Variants in SSMEM1 observed in about 807,000 individuals in gnomAD.
SSMEM1 encodes serine-rich single-pass membrane protein 1.
SSMEM1 carries 12 observed loss-of-function variants against 9.9 expected under a neutral mutation model. That is an observed-to-expected ratio of 1.21 (90% CI 0.78 to 1.96). The LOEUF is 1.96. Among genes scored for constraint, SSMEM1 ranks in the 30% most tolerant of loss-of-function variants. The pLI, the probability that SSMEM1 is intolerant of heterozygous loss-of-function variation, is 0.00. For missense variants in SSMEM1, 259 were observed against 292.2 expected (o/e 0.89, Z 0.83); for synonymous variants, 96 against 98.9 (o/e 0.97, Z 0.17).
Position 130,216,213 on chromosome 7 carries a change from T to G in SSMEM1, c.478T>G (p.Ser160Ala), listed in dbSNP as rs1455293522. The G allele has an allele frequency of 6.2e-7, 1 of 1,614,086 alleles. No homozygotes were observed. Among genetic ancestry groups the G allele is most frequent in the Non-Finnish European group, 8.5e-7 (1 of 1,180,016 alleles). The change falls in exon 3 of 3, where the codon TCC becomes GCC. Residue 160 changes from serine to alanine, a missense_variant. Physicochemically the swap from Ser to Ala is moderately conservative, Grantham distance 99 (BLOSUM62 1). Coordinates refer to ENST00000297819, the MANE Select transcript of SSMEM1 (RefSeq NM_145268.4). ...CAGTGAAGAGTCTAACTCAGAAGCCTCCTCGTGGAAGGAGAGTGAAAGTGA... is the reference window on the plus strand; with the variant it reads ...CAGTGAAGAGTCTAACTCAGAAGCCGCCTCGTGGAAGGAGAGTGAAAGTGA... ...YGSEESNSEASSWKESESEHH... is the reference protein window; with the variant it reads ...YGSEESNSEAASWKESESEHH...
In SSMEM1 at chr7:130,216,064, C is replaced by A. The variant is rs770779506; in HGVS notation, c.329C>A (p.Thr110Asn). 4 of 1,614,216 alleles carry A rather than the reference C, an allele frequency of 2.5e-6. No homozygotes were observed. The highest frequency in any genetic ancestry group is 3.4e-6 in the Non-Finnish European group (4 of 1,180,040). ...TMKKPKQNQLTPVTNSEVALV... is the reference protein window; with the variant it reads ...TMKKPKQNQLNPVTNSEVALV... The stretch of plus-strand genomic sequence containing the variant: ...AAGAAACCAAAGCAGAACCAACTTA[C>A]CCCTGTAACCAACTCAGAAGTGGCT... Residue 110 changes from threonine (T) to asparagine (N), a missense_variant, in exon 3 of 3, where the codon ACC (threonine) becomes AAC (asparagine). Coordinates refer to ENST00000297819, the MANE Select transcript of SSMEM1 (RefSeq NM_145268.4).
Position 130,207,898 on chromosome 7 carries a change from G to A in SSMEM1, c.-13G>A. The A allele has an allele frequency of 6.2e-7, 1 of 1,612,850 alleles. No homozygotes were observed. Among genetic ancestry groups the A allele is most frequent in the Non-Finnish European group, 8.5e-7 (1 of 1,179,494 alleles). On this transcript the variant is annotated 5_prime_UTR_variant, in exon 1 of 3. Coordinates refer to ENST00000297819, the MANE Select transcript of SSMEM1 (RefSeq NM_145268.4). ...CCTTTAAGCATGGTTTATTTTCTGA[G>A]CAAGGAGTCATCATGGGAGACCTTT...
chr7:130,213,848 T>C (rs1303715907), intron 2 of SSMEM1, among the ~76,000 whole-genome samples: 3 of 151,936 alleles, frequency 2.0e-5, no homozygotes, highest in Admixed American at 6.6e-5. Context: ...AGGAGGCCCA[T>C]TGGGGTTGGG....
At chr7:130,205,658 A>C (rs576392413), upstream of SSMEM1, among the ~76,000 whole-genome samples, 71 of 152,294 alleles carry the variant, frequency 4.7e-4, no homozygotes, top group African/African-American at 1.6e-3. Context: ...AACAAGCTGA[A>C]TTTTGTATCT....
chr7:130,205,766 G>C (rs560036462), upstream of SSMEM1, among the ~76,000 whole-genome samples: 3 of 152,310 alleles, frequency 2.0e-5, no homozygotes, highest in South Asian at 6.2e-4. Context: ...GCGTGATAAA[G>C]TGGCCAGACA....
In SSMEM1 at chr7:130,216,456, T is replaced by C; in HGVS notation, c.721T>C (p.Phe241Leu). ...TTCCATATCTGACATTAACAAGAAA[T>C]TTAGTAAATTTTGAATTTTATCACG... ...ESSISDINKK[F>L]SKF Residue 241 changes from phenylalanine (F) to leucine (L), a missense_variant, in exon 3 of 3, where the codon TTT becomes CTT. Physicochemically the swap from Phe to Leu is conservative, Grantham distance 22. Coordinates refer to ENST00000297819, the MANE Select transcript of SSMEM1 (RefSeq NM_145268.4). 1 of 1,608,042 alleles carries C rather than the reference T, an allele frequency of 6.2e-7. No individual in the cohort carries two copies. The highest frequency in any genetic ancestry group is 8.5e-7 in the Non-Finnish European group (1 of 1,175,708).
At position 130,216,773 on chromosome 7, in the gene SSMEM1, A is replaced by T; in HGVS notation, c.*303A>T. 3.0e-6 allele frequency: 1 copy of T among 329,782 alleles called. No individual in the cohort carries two copies. The highest frequency in any genetic ancestry group is 5.6e-6 in the Non-Finnish European group (1 of 180,052). 20.4% of individuals were successfully genotyped at this position (329,782 alleles called of 1,614,324 possible). A position where few individuals can be genotyped will look rare whatever the true frequency, so the allele number is the denominator to read the frequency against. ...TGTATATATTTTGTGCCTTGAGTGT[A>T]TGTATTTTGTTTATGTCTGTAATAT... On this transcript the variant is annotated 3_prime_UTR_variant, in exon 3 of 3. Transcript: ENST00000297819.
chr7:130,205,411 T>C (rs1327712841), upstream of SSMEM1: 1 of 1,613,400 alleles, frequency 6.2e-7, no homozygotes, highest in East Asian at 2.2e-5. Flanking sequence ...CGCGCCACTC[T>C]CTCTGGGCAT....
intron 2 of SSMEM1, 124 bp downstream of exon 2, chr7:130,213,658 G>T: frequency 3.6e-6 from 1 of 276,260 alleles, no homozygotes; most frequent in Non-Finnish European, 6.3e-6. Flanking sequence ...AGCAGTTCAA[G>T]ACCACAGCTT....
At chr7:130,213,082 T>C (rs1482422101) in intron 1 of SSMEM1, among the ~76,000 whole-genome samples, 3 of 152,188 alleles carry the variant, frequency 2.0e-5, no homozygotes, top group African/African-American at 7.2e-5. Context: ...GCCCAGTGGC[T>C]CATACCTGTA....
upstream of SSMEM1, chr7:130,207,835 T>A: frequency 6.7e-7 from 1 of 1,482,694 alleles, no homozygotes; most frequent in Non-Finnish European, 9.4e-7. Flanking sequence ...TTGTCATACA[T>A]CATAGAGGGA....
Position 130,216,635 on chromosome 7 carries a change from T to TAA in SSMEM1, c.*165_*166insAA. 1 of 833,100 alleles carries TAA rather than the reference T, an allele frequency of 1.2e-6. No individual in the cohort carries two copies. Among genetic ancestry groups the TAA allele is most frequent in the Non-Finnish European group, 1.8e-6 (1 of 558,596 alleles). The allele number at this position is 833,100 out of a possible 1,614,324, so 51.6% of individuals were successfully genotyped here. On this transcript the variant is annotated 3_prime_UTR_variant, in exon 3 of 3. Transcript: ENST00000297819. The stretch of plus-strand genomic sequence containing the variant: ...GGTAAAATCTCACACAATTCTTCGT[T>TAA]CAAAAAAAAAAAGGCCATCACGTGT...
At chr7:130,208,160 C>T (rs553415836) in intron 1 of SSMEM1, 67 bp downstream of exon 1, 2 of 1,392,758 alleles carry the variant, frequency 1.4e-6, no homozygotes, top group Non-Finnish European at 9.7e-7. Flanking sequence ...CCATAAAATA[C>T]ATTTACTATA....
Position 130,208,103 on chromosome 7 carries a change from C to A in SSMEM1, c.183+10C>A. ...TAGGGCTTCTGTCTGGGTAGGATATCTTTTTTTCATTTTAAATAATATGTT... is the reference window on the plus strand; with the variant it reads ...TAGGGCTTCTGTCTGGGTAGGATATATTTTTTTCATTTTAAATAATATGTT... On this transcript the variant is annotated intron_variant, in intron 1 of 2. Transcript: ENST00000297819. The A allele has an allele frequency of 1.3e-6, 2 of 1,586,572 alleles. No individual in the cohort carries two copies. Among genetic ancestry groups the A allele is most frequent in the Non-Finnish European group, 8.5e-7 (1 of 1,170,950 alleles).
At position 130,208,083 on chromosome 7, in the gene SSMEM1, C is replaced by T. The variant is rs1798522520; in HGVS notation, c.173C>T (p.Ala58Val). Residue 58 changes from alanine (A) to valine (V), a missense_variant, in exon 1 of 3, where the codon GCT becomes GTT. Physicochemically the swap from Ala to Val is moderately conservative, Grantham distance 64. Coordinates refer to ENST00000297819, the MANE Select transcript of SSMEM1 (RefSeq NM_145268.4). ...IVFVLMFFSR[A>V]SVWMSEDKKD... ...TTTGTCCTGATGTTCTTCTCTAGGG[C>T]TTCTGTCTGGGTAGGATATCTTTTT... is the stretch of plus-strand genomic sequence containing the variant. 6.2e-7 allele frequency: 1 copy of T among 1,612,152 alleles called. No homozygotes were observed. The highest frequency in any genetic ancestry group is 1.7e-5 in the Admixed American group (1 of 59,682).
At chr7:130,210,282 GAAC>G (rs1387215524) in intron 1 of SSMEM1, among the ~76,000 whole-genome samples, 2 of 152,160 alleles carry the variant, frequency 1.3e-5, no homozygotes, top group African/African-American at 4.8e-5. Context: ...TGAAATCTGA[GAAC>G]AATATGAGAG....
At chr7:130,214,722 G>A (rs938943847) in intron 2 of SSMEM1, among the ~76,000 whole-genome samples, 4 of 152,204 alleles carry the variant, frequency 2.6e-5, no homozygotes, top group African/African-American at 7.2e-5. Flanking sequence ...TGCTGGAATG[G>A]ATAATAGTTC....
At chr7:130,212,113 G>A (rs1798603061) in intron 1 of SSMEM1, among the ~76,000 whole-genome samples, 1 of 152,170 alleles carries the variant, frequency 6.6e-6, no homozygotes, top group Non-Finnish European at 1.5e-5. Context: ...TTTTCTGAAA[G>A]AGTTGGTTTA....
chr7:130,210,013 C>T (rs1798563499), intron 1 of SSMEM1, among the ~76,000 whole-genome samples: 1 of 152,146 alleles, frequency 6.6e-6, no homozygotes, highest in Admixed American at 6.5e-5. Context: ...TTATCCCTCC[C>T]CCACTCATTT....
Sources: gnomAD v4.1 joint callset for allele counts (sites outside exome capture counted in the v4.1 genomes callset) on GRCh38, gnomAD v4.1.1 for gene constraint, MANE v1.5 for transcripts, NCBI Gene and HGNC (gene_info 2026-07-23, HGNC 2026-07-21) for gene names.